RAB10: variants seen among roughly 807,000 people sequenced by gnomAD.
RAB10 encodes the protein RAB10, member RAS oncogene family.
RAB10 carries 5 observed loss-of-function variants against 25.7 expected under a neutral mutation model. That is an observed-to-expected ratio of 0.19 (90% CI 0.10 to 0.41). The LOEUF (loss-of-function observed/expected upper bound fraction) is 0.41, where lower values mean the gene tolerates loss of function less well. Among genes scored for constraint, RAB10 ranks in the 10% least tolerant of loss-of-function variants. RAB10 has a pLI of 1.00. For synonymous variants in RAB10, 89 were observed against 86.4 expected (o/e 1.03, Z -0.16); for missense variants, 103 against 245.8 (o/e 0.42, Z 3.89).
chr2:26,110,377 ATT>A (rs2149284116), intron 3 of RAB10, among the ~76,000 whole-genome samples: 1 of 151,820 alleles, frequency 6.6e-6, no homozygotes, highest in East Asian at 1.9e-4. Flanking sequence ...TTATTTGCTA[ATT>A]TTTTCTTAAG....
intron 1 of RAB10, among the ~76,000 whole-genome samples, chr2:26,035,445 T>C (rs910002963): frequency 1.3e-5 from 2 of 152,196 alleles, no homozygotes; most frequent in African/African-American, 4.8e-5. Context: ...CAGGAAAGTA[T>C]TTTGCCAGTC....
At chr2:26,109,499 T>G (rs1460521814) in intron 2 of RAB10, among the ~76,000 whole-genome samples, 3 of 152,224 alleles carry the variant, frequency 2.0e-5, no homozygotes, top group Non-Finnish European at 4.4e-5. Context: ...CCTGCTTTTG[T>G]GTTACATTAT....
intron 3 of RAB10, among the ~76,000 whole-genome samples, chr2:26,123,217 T>C (rs1667840466): frequency 6.6e-6 from 1 of 152,156 alleles, no homozygotes; most frequent in Non-Finnish European, 1.5e-5. Flanking sequence ...TAAAGTTCTT[T>C]TGATGTTGGA....
At chr2:26,094,669 G>A (rs904416116) in intron 1 of RAB10, among the ~76,000 whole-genome samples, 1 of 150,998 alleles carries the variant, frequency 6.6e-6, no homozygotes, top group African/African-American at 2.4e-5. Flanking sequence ...AGCAATTCTC[G>A]TGCCTCAGCC....
intron 2 of RAB10, among the ~76,000 whole-genome samples, chr2:26,108,828 G>A (rs1170975507): frequency 6.6e-6 from 1 of 151,982 alleles, no homozygotes; most frequent in Non-Finnish European, 1.5e-5. Flanking sequence ...CTCGAAAGAG[G>A]AGCAGGGATA....
Position 26,127,536 on chromosome 2 carries a change from TG to T in RAB10, c.417+305del, listed in dbSNP as rs541595054. Among the ~76,000 whole-genome samples, 629 of 152,322 alleles carry T rather than the reference TG, an allele frequency of 4.1e-3. 2 individuals are homozygous for T. The highest frequency in any genetic ancestry group is 6.6e-3 in the Non-Finnish European group (452 of 68,026). On this transcript the variant is annotated intron_variant, in intron 4 of 5. Transcript: ENST00000264710. ...CTTTAAGGAAATGTATCAATTAGTA[TG>T]GTTCTAAAATGTGACAATCAGGAGC...
rs546250663 is a variant in RAB10, at chr2:26,081,239, C to T, written c.128-17423C>T. 4.6e-5 allele frequency among the ~76,000 whole-genome samples: 7 copies of T among 152,276 alleles called. No individual in the cohort carries two copies. The South Asian group carries it at 1.5e-3, about 32-fold the overall frequency. On this transcript the variant is annotated intron_variant, in intron 1 of 5. Coordinates refer to ENST00000264710, the MANE Select transcript of RAB10 (RefSeq NM_016131.5). ...TTAAACCTCTTTCAATAGTAAATTACCCAGCCTTGGGTATGTCTTTCTCAG... is the reference window on the plus strand; with the variant it reads ...TTAAACCTCTTTCAATAGTAAATTATCCAGCCTTGGGTATGTCTTTCTCAG...
chr2:26,137,382 T>C lies in RAB10; in HGVS notation c.*2361T>C, dbSNP rs760531336. On this transcript the variant is annotated 3_prime_UTR_variant, in exon 6 of 6. Coordinates refer to ENST00000264710, the MANE Select transcript of RAB10 (RefSeq NM_016131.5). ...TACAAATTCGGTTTCATATTCTACT[T>C]AACAATTTAAATAAACTGAAATATT... The C allele has an allele frequency of 6.5e-6, 1 of 152,672 alleles. No individual in the cohort carries two copies. The highest frequency in any genetic ancestry group is 1.5e-5 in the Non-Finnish European group (1 of 68,046). 9.5% of individuals were successfully genotyped at this position (152,672 alleles called of 1,614,324 possible).
intron 2 of RAB10, among the ~76,000 whole-genome samples, chr2:26,100,319 C>G (rs1399497626): frequency 6.6e-6 from 1 of 152,190 alleles, no homozygotes; most frequent in Non-Finnish European, 1.5e-5. Context: ...CAAAACTACT[C>G]TCTTATCCTC....
chr2:26,070,712 TAA>T (rs1402559379), intron 1 of RAB10, among the ~76,000 whole-genome samples: 2 of 152,210 alleles, frequency 1.3e-5, no homozygotes, highest in African/African-American at 4.8e-5. Context: ...TGGTTCCACC[TAA>T]ATTTTCTTAC....
chr2:26,119,892 A>G (rs560788149), intron 3 of RAB10, among the ~76,000 whole-genome samples: 28 of 152,350 alleles, frequency 1.8e-4, no homozygotes, highest in African/African-American at 6.0e-4. Flanking sequence ...ATAAAGAATT[A>G]TACCTATTTC....
At chr2:26,037,028 A>G (rs1467222263) in intron 1 of RAB10, among the ~76,000 whole-genome samples, 1 of 152,012 alleles carries the variant, frequency 6.6e-6, no homozygotes, top group Non-Finnish European at 1.5e-5. Flanking sequence ...CCACCGCCCC[A>G]GCCTCCCAAA....
chr2:26,047,247 A>T (rs1387846367), intron 1 of RAB10, among the ~76,000 whole-genome samples: 32 of 152,176 alleles, frequency 2.1e-4, no homozygotes, highest in Admixed American at 2.0e-3. Flanking sequence ...AAACCTTGGT[A>T]ACTATGAAAC....
intron 1 of RAB10, among the ~76,000 whole-genome samples, chr2:26,064,974 C>G (rs1295087720): frequency 6.6e-6 from 1 of 152,226 alleles, no homozygotes; most frequent in Non-Finnish European, 1.5e-5. Flanking sequence ...AGGAGGATCT[C>G]TTCAGCCCAG....
At chr2:26,131,958 AG>A (rs1179990200) in intron 5 of RAB10, among the ~76,000 whole-genome samples, 1 of 152,252 alleles carries the variant, frequency 6.6e-6, no homozygotes, top group Non-Finnish European at 1.5e-5. Flanking sequence ...CTGTGTGTGT[AG>A]TACATAATCT....
intron 1 of RAB10, among the ~76,000 whole-genome samples, chr2:26,053,360 G>A (rs184070908): frequency 6.6e-6 from 1 of 152,266 alleles, no homozygotes; most frequent in African/African-American, 2.4e-5. Context: ...ATTTAGATGT[G>A]TAATTTTTAG....
intron 5 of RAB10, among the ~76,000 whole-genome samples, chr2:26,132,881 CAGAG>C (rs752097048): frequency 6.6e-6 from 1 of 151,472 alleles, no homozygotes; most frequent in Non-Finnish European, 1.5e-5. Flanking sequence ...TGGAAGTTCC[CAGAG>C]AGAGAGTATT....
At position 26,034,171 on chromosome 2, in the gene RAB10, C is replaced by G; in HGVS notation, c.-438C>G. ...GGCTCGGTTTCCTGGGGCTATGTAA[C>G]TGAGCTCGTCGACTTAGGGGTCCTT... On this transcript the variant is annotated 5_prime_UTR_variant, in exon 1 of 6. Coordinates refer to ENST00000264710, the MANE Select transcript of RAB10 (RefSeq NM_016131.5). 1 of 416,292 alleles carries G rather than the reference C, an allele frequency of 2.4e-6. No individual in the cohort carries two copies. The highest frequency in any genetic ancestry group is 9.3e-5 in the South Asian group (1 of 10,806). The allele number at this position is 416,292 out of a possible 1,614,324, so 25.8% of individuals were successfully genotyped here.
chr2:26,045,628 T>G (rs1665985045), intron 1 of RAB10, among the ~76,000 whole-genome samples: 1 of 152,230 alleles, frequency 6.6e-6, no homozygotes, highest in Admixed American at 6.5e-5. Flanking sequence ...GATTTACAAG[T>G]AAGAGACCAT....
Sources: allele counts gnomAD v4.1 joint callset (sites outside exome capture counted in the v4.1 genomes callset), GRCh38; gene constraint gnomAD v4.1.1; transcripts MANE v1.5; gene names NCBI Gene and HGNC (gene_info 2026-07-23, HGNC 2026-07-21).